Variants in DROSHA observed in about 807,000 individuals in gnomAD.
The protein encoded by DROSHA is drosha ribonuclease III.
Under a neutral mutation model 181.9 loss-of-function variants are expected in DROSHA, and 56 were observed. The ratio of observed to expected loss-of-function variants is 0.31; its 90% CI spans 0.25 to 0.38. DROSHA has a LOEUF of 0.38. Ranked by LOEUF, DROSHA falls within the 10% of genes least tolerant of loss-of-function variation. The pLI, the probability that DROSHA is intolerant of heterozygous loss-of-function variation, is 1.00. For synonymous variants in DROSHA, 524 were observed against 591.2 expected (o/e 0.89, Z 1.65); for missense variants, 1,218 against 1,743.5 (o/e 0.70, Z 5.37).
chr5:31,424,402 C>A (rs1306217160), intron 28 of DROSHA, 25 bp downstream of exon 28: 13 of 1,592,574 alleles, frequency 8.2e-6, no homozygotes, highest in Non-Finnish European at 9.4e-6. Context: ...ATAAAGCTCA[C>A]TGCAGACAGG....
At position 31,400,640 on chromosome 5, in the gene DROSHA, A is replaced by G. The variant is rs1739917508; in HGVS notation, c.*792T>C. On this transcript the variant is annotated 3_prime_UTR_variant, in exon 36 of 36. Coordinates refer to ENST00000344624, the MANE Select transcript of DROSHA (RefSeq NM_001382508.1). ...TTAGAGAGGCTGATAAAAGCTATAA[A>G]CCCTCCTCCTTCCTGCTCCCCATGC... 6.6e-6 allele frequency: 1 copy of G among 152,182 alleles called. No homozygotes were observed. The highest frequency in any genetic ancestry group is 1.5e-5 in the Non-Finnish European group (1 of 68,058). The allele number at this position is 152,182 out of a possible 1,614,324, so 9.4% of individuals were successfully genotyped here.
In DROSHA at chr5:31,480,166, T is replaced by C. The variant is rs797009067; in HGVS notation, c.2071+3388A>G. 4.9e-4 allele frequency among the ~76,000 whole-genome samples: 33 copies of C among 67,362 alleles called. 2 individuals carry two copies. The highest frequency in any genetic ancestry group is 1.1e-3 in the African/African-American group (31 of 27,838). The allele number at this position is 67,362 out of a possible 152,430, so 44.2% of individuals were successfully genotyped here. A position where few individuals can be genotyped will look rare whatever the true frequency, so the allele number is the denominator to read the frequency against. The stretch of plus-strand genomic sequence containing the variant: ...TTCAAGTCTTTTGCCCGTTTTTCTA[T>C]TGGCAATGTCAGTATATATATATAT... On this transcript the variant is annotated intron_variant, in intron 16 of 35. Transcript: ENST00000344624.
In DROSHA at chr5:31,424,556, T is replaced by TA. The variant is rs1339787563; in HGVS notation, c.3217-86dup. On this transcript the variant is annotated intron_variant, in intron 27 of 35. Coordinates refer to ENST00000344624, the MANE Select transcript of DROSHA (RefSeq NM_001382508.1). ...CTAAATAAAATGTCATTATTTGAAA[T>TA]ACGGAACTATTTCAGACACTGACTC... 9.5e-6 allele frequency: 14 copies of TA among 1,466,290 alleles called. No individual in the cohort carries two copies. In the East Asian group the frequency reaches 2.8e-4, roughly 29 times the overall value. 90.8% of individuals were successfully genotyped at this position (1,466,290 alleles called of 1,614,324 possible). A position where few individuals can be genotyped will look rare whatever the true frequency, so the allele number is the denominator to read the frequency against.
intron 11 of DROSHA, among the ~76,000 whole-genome samples, chr5:31,497,750 G>T (rs1580305427): frequency 6.6e-6 from 1 of 152,244 alleles, no homozygotes; most frequent in African/African-American, 2.4e-5. Flanking sequence ...CAGCTGTCGT[G>T]TTGGTGGCTG....
chr5:31,465,697 G>A (rs1191517495), intron 19 of DROSHA, among the ~76,000 whole-genome samples: 1 of 152,004 alleles, frequency 6.6e-6, no homozygotes, highest in African/African-American at 2.4e-5. Context: ...AGAATAGCTT[G>A]GTGCCTTCCC....
At chr5:31,468,586 A>T (rs1378352684) in intron 17 of DROSHA, among the ~76,000 whole-genome samples, 1 of 152,198 alleles carries the variant, frequency 6.6e-6, no homozygotes, top group Non-Finnish European at 1.5e-5. Flanking sequence ...TCCATGTAGG[A>T]CATTTGTGTA....
rs759545252 is a variant in DROSHA, at chr5:31,470,946, T to C, written c.2241+1117A>G. ...ACTGTTTTAAGAATAAAAATAGAAT[T>C]CACAGTCTTACTCTGAGAGTGTTAT... On this transcript the variant is annotated intron_variant, in intron 17 of 35. Coordinates refer to ENST00000344624, the MANE Select transcript of DROSHA (RefSeq NM_001382508.1). The surrounding 1 kb of genome is among the most constrained non-coding windows in gnomAD (Gnocchi z 4.0). Among the ~76,000 whole-genome samples, 4 of 152,220 alleles carry C rather than the reference T, an allele frequency of 2.6e-5. No homozygotes were observed. The highest frequency in any genetic ancestry group is 4.8e-5 in the African/African-American group (2 of 41,458).
rs545918233 is a variant in DROSHA, at chr5:31,426,673, T to A, written c.3217-2202A>T. Among the ~76,000 whole-genome samples, 240 of 152,192 alleles carry A rather than the reference T, an allele frequency of 1.6e-3. 2 individuals are homozygous for A. Among genetic ancestry groups the A allele is most frequent in the Non-Finnish European group, 3.7e-4 (25 of 68,008 alleles). ...ATAGGCACAAAAAGGTGATTCCTAG[T>A]GAATGGCACAAAGAGGGATTAAAAA... On this transcript the variant is annotated intron_variant, in intron 27 of 35. Coordinates refer to ENST00000344624, the MANE Select transcript of DROSHA (RefSeq NM_001382508.1).
chr5:31,437,248 A>G lies in DROSHA; in HGVS notation c.2933T>C (p.Phe978Ser). Residue 978 changes from phenylalanine (F) to serine (S), a missense_variant, in exon 24 of 36, where the codon TTT becomes TCT. Transcript: ENST00000344624. The part of the protein sequence containing the change: ...LEFLGDAVVE[F>S]LTSVHLYYLF... ...AAAAAAGCCTAATTACCTGGTCAGA[A>G]ATTCAACAACAGCATCACCCAGGAA... 1.3e-6 allele frequency: 2 copies of G among 1,575,606 alleles called. No individual in the cohort carries two copies. The highest frequency in any genetic ancestry group is 1.7e-6 in the Non-Finnish European group (2 of 1,159,276).
rs545494728 is a variant in DROSHA at position 31,451,174 on chromosome 5, C to G, written c.2682+359G>C. 1.6e-4 allele frequency among the ~76,000 whole-genome samples: 24 copies of G among 152,102 alleles called. 1 individual carries two copies. The South Asian group carries it at 4.8e-3, about 30-fold the overall frequency. On this transcript the variant is annotated intron_variant, in intron 21 of 35. Coordinates refer to ENST00000344624, the MANE Select transcript of DROSHA (RefSeq NM_001382508.1). ...CCGAGATCACGCCATTGCACTCCAG[C>G]CTGGGAAACAAGAGCGAAACTCTGT...
At chr5:31,449,541 AAC>A (rs1183949952) in intron 21 of DROSHA, 122 bp from the exon 22 acceptor site, 4 of 1,060,548 alleles carry the variant, frequency 3.8e-6, no homozygotes, top group Non-Finnish European at 5.3e-6. Context: ...TAGCCTGGGC[AAC>A]ACAGTGAGAC....
At chr5:31,522,924 A>G (rs559085895) in intron 5 of DROSHA, among the ~76,000 whole-genome samples, 1 of 152,312 alleles carries the variant, frequency 6.6e-6, no homozygotes, top group South Asian at 2.1e-4. Flanking sequence ...AAAACAGTCC[A>G]CCCTAAGACA....
chr5:31,509,144 G>A (rs1738368833), intron 9 of DROSHA, among the ~76,000 whole-genome samples: 1 of 151,970 alleles, frequency 6.6e-6, no homozygotes, highest in Admixed American at 6.6e-5. Context: ...TTTTGTGGAG[G>A]CTTCCAAATG....
intron 14 of DROSHA, 58 bp downstream of exon 14, chr5:31,486,433 A>T (rs7735863): frequency 6.4e-7 from 1 of 1,551,336 alleles, no homozygotes; most frequent in South Asian, 1.2e-5. Flanking sequence ...TTAAAATAGT[A>T]GTATGGAACA....
intron 35 of DROSHA, among the ~76,000 whole-genome samples, chr5:31,401,944 TCA>T (rs1181685343): frequency 6.6e-6 from 1 of 151,996 alleles, no homozygotes; most frequent in African/African-American, 2.4e-5. Flanking sequence ...TAAAATGGAG[TCA>T]CAGTTTTTGA....
intron 12 of DROSHA, among the ~76,000 whole-genome samples, chr5:31,494,219 C>T (rs1291616593): frequency 6.6e-6 from 1 of 152,070 alleles, no homozygotes; most frequent in East Asian, 1.9e-4. Context: ...CCACTCGCCT[C>T]GGCCTCCCAA....
chr5:31,401,875 T>C (rs902605425), intron 35 of DROSHA, among the ~76,000 whole-genome samples: 4 of 152,136 alleles, frequency 2.6e-5, no homozygotes, highest in Non-Finnish European at 5.9e-5. Flanking sequence ...ACCAAGCAGG[T>C]GCTTTAGCAT....
At chr5:31,496,208 G>A (rs1752955758) in intron 11 of DROSHA, among the ~76,000 whole-genome samples, 1 of 152,164 alleles carries the variant, frequency 6.6e-6, no homozygotes, top group Non-Finnish European at 1.5e-5. Context: ...AGGCCAAGGT[G>A]GGAGGATTGC....
At position 31,488,243 on chromosome 5, in the gene DROSHA, C is replaced by A. The variant is rs1196150324; in HGVS notation, c.1843-1681G>T. ...AACAGCCTGGCCAACATGGTGAAAC[C>A]CCGTCTCTACTAAAAATACAAAAAT... On this transcript the variant is annotated intron_variant, in intron 13 of 35. Coordinates refer to ENST00000344624, the MANE Select transcript of DROSHA (RefSeq NM_001382508.1). Among the ~76,000 whole-genome samples the A allele has an allele frequency of 2.0e-5, 3 of 151,744 alleles. No individual in the cohort carries two copies. The East Asian group carries it at 5.8e-4, about 29-fold the overall frequency.
Sources: allele counts gnomAD v4.1 joint callset (sites outside exome capture counted in the v4.1 genomes callset), GRCh38; gene constraint gnomAD v4.1.1; non-coding constraint Gnocchi (gnomAD v3.1); transcripts MANE v1.5; gene names NCBI Gene and HGNC (gene_info 2026-07-23, HGNC 2026-07-21).